Variants in BID observed in about 807,000 individuals in gnomAD.
The protein encoded by BID is BH3-interacting domain death agonist.
BID carries 19 observed loss-of-function variants against 17.4 expected under a neutral mutation model. That is an observed-to-expected ratio of 1.09 (90% CI 0.76 to 1.60). The LOEUF (loss-of-function observed/expected upper bound fraction) is 1.60, where lower values mean the gene tolerates loss of function less well. BID is among the 40% of genes most tolerant of loss of function. The pLI is 0.00. For missense variants in BID, 226 were observed against 256.0 expected (o/e 0.88, Z 0.80); for synonymous variants, 108 against 102.8 (o/e 1.05, Z -0.31).
At chr22:17,752,522 C>G (rs181407) in intron 1 of BID, among the ~76,000 whole-genome samples, 78,265 of 151,694 alleles carry the variant, frequency 0.52, 20,522 homozygotes, top group East Asian at 0.82. Flanking sequence ...CTGACCCATA[C>G]CGATGTTGTC....
intron 1 of BID, among the ~76,000 whole-genome samples, chr22:17,754,568 T>C (rs924138236): frequency 7.9e-5 from 12 of 152,314 alleles, no homozygotes; most frequent in Admixed American, 4.6e-4. Flanking sequence ...GAAAACACCA[T>C]GCAGTTGGTC....
At chr22:17,763,746 A>G (rs2061658862) in intron 1 of BID, among the ~76,000 whole-genome samples, 1 of 151,330 alleles carries the variant, frequency 6.6e-6, no homozygotes, top group South Asian at 2.1e-4. Flanking sequence ...CATTTATTAG[A>G]ACCAATACAA....
rs529450978 is a variant in BID, at chr22:17,743,784, G to C, written c.223+19C>G. The C allele has an allele frequency of 2.5e-5, 40 of 1,598,772 alleles. No homozygotes were observed. In the East Asian group the frequency reaches 7.0e-4, roughly 28 times the overall value. On this transcript the variant is annotated intron_variant, in intron 3 of 5. Coordinates refer to ENST00000622694, the MANE Select transcript of BID (RefSeq NM_001196.4). ...AGAGAAGCCCAGCTTTGGGGAAGGA[G>C]GTGGGGCCGGCCGCCTACCTGCCTC...
chr22:17,773,488 G>A lies in BID; in HGVS notation c.-59+893C>T. On this transcript the variant is annotated intron_variant, in intron 1 of 5. Transcript: ENST00000622694. This position sits in a 1 kb window ranked among gnomAD's most constrained non-coding sequence, Gnocchi z 4.4. ...GGGTGTGGATAAGGCTCCAGGAAGG[G>A]GGTGCAAGCCTGAGAAGGTGGAAGA... is the stretch of plus-strand genomic sequence containing the variant. 1 of 980,702 alleles carries A rather than the reference G, an allele frequency of 1.0e-6. No individual in the cohort carries two copies. The highest frequency in any genetic ancestry group is 1.6e-6 in the Non-Finnish European group (1 of 637,038). 60.8% of individuals were successfully genotyped at this position (980,702 alleles called of 1,614,324 possible).
At chr22:17,748,279 A>AGG (rs2061509613) in intron 2 of BID, among the ~76,000 whole-genome samples, 1 of 135,182 alleles carries the variant, frequency 7.4e-6, no homozygotes, top group Non-Finnish European at 1.6e-5. Context: ...GGAGGCCCAG[A>AGG]CGGGCGGATC....
chr22:17,755,372 A>C (rs2061574747), intron 1 of BID, among the ~76,000 whole-genome samples: 1 of 152,182 alleles, frequency 6.6e-6, no homozygotes, highest in Non-Finnish European at 1.5e-5. Flanking sequence ...CATGGCCTAG[A>C]TTGGTGACCC....
At chr22:17,742,471 CCCCCCACCCCCCA>C (rs900432290) in intron 3 of BID, among the ~76,000 whole-genome samples, 7 of 75,728 alleles carry the variant, frequency 9.2e-5, no homozygotes, top group Non-Finnish European at 2.3e-4. Flanking sequence ...TCAGACACCT[CCCCCCACCCCCCA>C]CCCCCACCCC....
intron 1 of BID, among the ~76,000 whole-genome samples, chr22:17,755,077 CTTTTCTTT>C (rs2061571820): frequency 7.9e-6 from 1 of 126,856 alleles, no homozygotes; most frequent in African/African-American, 3.0e-5. Flanking sequence ...TTCTTTTTTT[CTTTTCTTT>C]TTTTTTTTTT....
intron 5 of BID, among the ~76,000 whole-genome samples, chr22:17,737,420 C>T (rs983655359): frequency 6.6e-6 from 1 of 152,064 alleles, no homozygotes; most frequent in African/African-American, 2.4e-5. Flanking sequence ...GATCTCAGTT[C>T]ACTGCAACCT....
intron 1 of BID, among the ~76,000 whole-genome samples, chr22:17,772,768 C>A (rs148891922): frequency 1.6e-4 from 25 of 152,264 alleles, no homozygotes; most frequent in South Asian, 4.1e-4. Context: ...GTCAGCCGAG[C>A]CTGTGAGCAC....
At position 17,739,646 on chromosome 22, in the gene BID, G is replaced by A. The variant is rs536988457; in HGVS notation, c.224-158C>T. 227 of 1,001,732 alleles carry A rather than the reference G, an allele frequency of 2.3e-4. 1 individual carries two copies. The highest frequency in any genetic ancestry group is 2.1e-3 in the Admixed American group (79 of 38,024). The allele number at this position is 1,001,732 out of a possible 1,614,324, so 62.1% of individuals were successfully genotyped here. On this transcript the variant is annotated intron_variant, in intron 3 of 5. Transcript: ENST00000622694. ...CCACTCCACCAGGGCCACAGCGGGC[G>A]GGCTGAGTACCAGCGCTGAGCTGGG...
At position 17,773,801 on chromosome 22, in the gene BID, C is replaced by CCAG. The variant is rs1403930451; in HGVS notation, c.-59+577_-59+579dup. 1.3e-5 allele frequency: 13 copies of CCAG among 1,016,874 alleles called. No individual in the cohort carries two copies. The highest frequency in any genetic ancestry group is 1.6e-5 in the Non-Finnish European group (11 of 684,416). 63.0% of individuals were successfully genotyped at this position (1,016,874 alleles called of 1,614,324 possible). ...GGTCATTCAGCCACTCAACAGTTTC[C>CCAG]CAGCAGCAGCAGCGAGGATCCGCAC... On this transcript the variant is annotated intron_variant, in intron 1 of 5. Coordinates refer to ENST00000622694, the MANE Select transcript of BID (RefSeq NM_001196.4). The surrounding 1 kb of genome is among the most constrained non-coding windows in gnomAD (Gnocchi z 4.4).
intron 2 of BID, among the ~76,000 whole-genome samples, chr22:17,745,743 G>A (rs572646590): frequency 2.0e-5 from 3 of 152,068 alleles, no homozygotes; most frequent in South Asian, 2.1e-4. Context: ...CGAGGCGGGC[G>A]GATCACGAAG....
intron 1 of BID, among the ~76,000 whole-genome samples, chr22:17,765,588 A>T (rs1348065911): frequency 2.6e-5 from 4 of 152,222 alleles, no homozygotes; most frequent in African/African-American, 9.6e-5. Context: ...ACATTATGTA[A>T]CAGTAATATT....
At chr22:17,744,236 A>ACTCTGCAGAAAGGGATTC (rs1814845038) in intron 2 of BID, among the ~76,000 whole-genome samples, 2 of 151,806 alleles carry the variant, frequency 1.3e-5, no homozygotes, top group African/African-American at 4.8e-5. Context: ...GCGAGCCCCG[A>ACTCTGCAGAAAGGGATTC]CTCTGCAGAA....
chr22:17,761,633 G>A (rs545274766), intron 1 of BID, among the ~76,000 whole-genome samples: 11 of 151,986 alleles, frequency 7.2e-5, no homozygotes, highest in African/African-American at 2.7e-4. Flanking sequence ...GGGTTTCACC[G>A]TGTTAGCCAG....
At chr22:17,761,941 G>A (rs2061642280) in intron 1 of BID, among the ~76,000 whole-genome samples, 1 of 152,016 alleles carries the variant, frequency 6.6e-6, no homozygotes, top group African/African-American at 2.4e-5. Context: ...CTGGTAAATC[G>A]CTTTAGGAGA....
chr22:17,745,822 C>T (rs544692246), intron 2 of BID, among the ~76,000 whole-genome samples: 1 of 151,946 alleles, frequency 6.6e-6, no homozygotes, highest in East Asian at 1.9e-4. Context: ...AAAAATTAGC[C>T]GGGCCTGGTG....
intron 1 of BID, among the ~76,000 whole-genome samples, chr22:17,771,505 G>A (rs1300070079): frequency 3.6e-5 from 5 of 140,174 alleles, no homozygotes; most frequent in East Asian, 2.3e-4. Context: ...TTGACCTCCC[G>A]GGCTCGAGCA....
Sources: gnomAD v4.1 joint callset for allele counts (sites outside exome capture counted in the v4.1 genomes callset) on GRCh38, gnomAD v4.1.1 for gene constraint, Gnocchi (gnomAD v3.1) non-coding constraint, MANE v1.5 for transcripts, NCBI Gene and HGNC (gene_info 2026-07-23, HGNC 2026-07-21) for gene names.